PAGE1: variants seen among roughly 807,000 people sequenced by gnomAD.
PAGE1 encodes PAGE family member 1, also known as P antigen family member 1.
PAGE1 carries 6 observed loss-of-function variants against 11.5 expected under a neutral mutation model. That is an observed-to-expected ratio of 0.52 (90% CI 0.29 to 1.03). PAGE1 has a LOEUF of 1.03. Ranked by LOEUF, PAGE1 falls within the 50% of genes least tolerant of loss-of-function variation. The pLI, the probability that PAGE1 is intolerant of heterozygous loss-of-function variation, is 0.09. For synonymous variants in PAGE1, 42 were observed against 40.2 expected (o/e 1.05, Z -0.17); for missense variants, 120 against 110.2 (o/e 1.09, Z -0.40).
At chrX:49,693,689 G>A (rs2066929056) in intron 3 of PAGE1, among the ~76,000 whole-genome samples, 1 of 111,084 alleles carries the variant, frequency 9.0e-6, no homozygotes, top group Non-Finnish European at 1.9e-5. Context: ...CTATTCCTGG[G>A]CCAGTACTAA....
chrX:49,689,650 GTGTA>G (rs1386630859), intron 4 of PAGE1, 107 bp from the exon 5 acceptor site: 6 of 78,784 alleles, frequency 7.6e-5, no homozygotes, highest in African/African-American at 2.7e-4. Context: ...ATATATGTGT[GTGTA>G]TATATATATA....
intron 4 of PAGE1, 40 bp downstream of exon 4, chrX:49,691,209 A>G (rs1557142178): frequency 8.4e-7 from 1 of 1,191,401 alleles, no homozygotes; most frequent in South Asian, 1.9e-5. Flanking sequence ...TACTGTGGAA[A>G]CAGACACCCT....
At chrX:49,691,213 A>G (rs2066919074) in intron 4 of PAGE1, 36 bp downstream of exon 4, 1 of 1,192,176 alleles carries the variant, frequency 8.4e-7, no homozygotes, top group Non-Finnish European at 1.1e-6. Context: ...GTGGAAACAG[A>G]CACCCTACAA....
At chrX:49,692,998 C>T (rs782156908) in intron 3 of PAGE1, among the ~76,000 whole-genome samples, 2 of 110,790 alleles carry the variant, frequency 1.8e-5, no homozygotes, top group Admixed American at 9.7e-5. Context: ...CATAGAGTAC[C>T]AACAGCAGTG....
rs191863491 is a variant in PAGE1, at chrX:49,695,484, G to A, written c.-9+385C>T. On this transcript the variant is annotated intron_variant, in intron 1 of 5. Coordinates refer to ENST00000376150, the MANE Select transcript of PAGE1 (RefSeq NM_003785.4). ...CCAGGTTCCAGGCCCCTTCTTTACC[G>A]CCATCTTCACCACCCACCTCCCGCC... 1.3e-4 allele frequency among the ~76,000 whole-genome samples: 15 copies of A among 111,168 alleles called. No individual in the cohort carries two copies. The Admixed American group carries it at 1.4e-3, about 11-fold the overall frequency.
At chrX:49,689,352 A>G (rs1557141416) in intron 5 of PAGE1, 66 bp downstream of exon 5, 2 of 936,333 alleles carry the variant, frequency 2.1e-6, no homozygotes, top group Non-Finnish European at 2.7e-6. Flanking sequence ...AAAAAATAAT[A>G]ATTATTATAA....
chrX:49,694,295 G>A, intron 2 of PAGE1, 94 bp from the exon 3 acceptor site: 1 of 464,056 alleles, frequency 2.2e-6, no homozygotes, highest in Non-Finnish European at 3.8e-6. Context: ...CACAGAGAAT[G>A]CATAGATGTT....
chrX:49,689,994 T>C (rs1407189645), intron 4 of PAGE1, among the ~76,000 whole-genome samples: 2 of 66,570 alleles, frequency 3.0e-5, no homozygotes, highest in Non-Finnish European at 5.4e-5. Flanking sequence ...TATACACACA[T>C]ATATATGTGT....
chrX:49,691,039 G>A (rs1258513401), intron 4 of PAGE1, among the ~76,000 whole-genome samples: 2 of 111,295 alleles, frequency 1.8e-5, no homozygotes, highest in Non-Finnish European at 3.8e-5. Flanking sequence ...TTAGGTGCCT[G>A]TGGTGGCATA....
chrX:49,689,562 AAAAAAAAAAAAAAATATATATATATAT>A lies in PAGE1; in HGVS notation c.293-46_293-20del. 1 of 185,893 alleles carries A rather than the reference AAAAAAAAAAAAAAATATATATATATAT, an allele frequency of 5.4e-6. No individual in the cohort carries two copies. Among genetic ancestry groups the A allele is most frequent in the Non-Finnish European group, 7.0e-6 (1 of 141,985 alleles). 15.3% of individuals were successfully genotyped at this position (185,893 alleles called of 1,213,427 possible). A position where few individuals can be genotyped will look rare whatever the true frequency, so the allele number is the denominator to read the frequency against. On this transcript the variant is annotated intron_variant, in intron 4 of 5. Transcript: ENST00000376150. ...TCTGGCCCTTAAAAAAAAAAAAAAAAAAAAAAAAAAAAAATATATATATATATATATATATATATATATATATATACA... is the reference window on the plus strand; with the variant it reads ...TCTGGCCCTTAAAAAAAAAAAAAAAAATATATATATATATATATATATACA...
intron 4 of PAGE1, 21 bp downstream of exon 4, chrX:49,691,228 C>G (rs1557142181): frequency 8.3e-7 from 1 of 1,199,653 alleles, no homozygotes; most frequent in African/African-American, 1.8e-5. Flanking sequence ...CTACAATTTG[C>G]ATGCTTAATG....
intron 2 of PAGE1, 41 bp downstream of exon 2, chrX:49,694,667 C>G (rs782172718): frequency 1.1e-6 from 1 of 931,213 alleles, no homozygotes; most frequent in Non-Finnish European, 1.5e-6. Flanking sequence ...TAGAAAACAT[C>G]GAATTAACGT....
At chrX:49,689,385 C>T in intron 5 of PAGE1, 33 bp downstream of exon 5, 1 of 1,021,980 alleles carries the variant, frequency 9.8e-7, no homozygotes, top group Non-Finnish European at 1.3e-6. Flanking sequence ...GAAACAGACA[C>T]CCTACAATTT....
At chrX:49,687,675 T>C in intron 5 of PAGE1, 112 bp from the exon 6 acceptor site, 1 of 656,259 alleles carries the variant, frequency 1.5e-6, no homozygotes, top group Non-Finnish European at 2.3e-6. Context: ...GGACTAAAAA[T>C]AGAACTCTAA....
At chrX:49,695,429 C>T (rs2066937951) in intron 1 of PAGE1, among the ~76,000 whole-genome samples, 1 of 111,514 alleles carries the variant, frequency 9.0e-6, no homozygotes, top group African/African-American at 3.3e-5. Flanking sequence ...CTCCACACCG[C>T]TGGGGGGCGC....
intron 5 of PAGE1, 61 bp downstream of exon 5, chrX:49,689,356 AT>A: frequency 1.0e-6 from 1 of 956,028 alleles, no homozygotes; most frequent in Non-Finnish European, 1.3e-6. Flanking sequence ...AATAATAATT[AT>A]TATAATATGA....
chrX:49,689,804 A>G (rs781963292), intron 4 of PAGE1, among the ~76,000 whole-genome samples: 38 of 62,490 alleles, frequency 6.1e-4, no homozygotes, highest in East Asian at 3.3e-3. Flanking sequence ...ATGTATATAT[A>G]TGTGTATATA....
Position 49,691,263 on chromosome X carries a change from T to G in PAGE1, c.278A>C (p.Lys93Thr). Residue 93 changes from lysine to threonine, a missense_variant, in exon 4 of 6, where the codon AAA (lysine) becomes ACA (threonine). Lys to Thr is a moderately conservative substitution (Grantham distance 78). Transcript: ENST00000376150. The part of the protein sequence containing the change: ...RVCLRNEEQM[K>T]LPAEGPEPEA... ...GGACTACCTACCTTCTGCGGGCAGT[T>G]TCATCTGCTCTTCATTTCGCAGGCA... 1 of 1,210,328 alleles carries G rather than the reference T, an allele frequency of 8.3e-7. No individual in the cohort carries two copies. Among genetic ancestry groups the G allele is most frequent in the Non-Finnish European group, 1.1e-6 (1 of 894,663 alleles).
chrX:49,694,060 A>C (rs868973137), intron 3 of PAGE1, 39 bp downstream of exon 3: 2 of 800,336 alleles, frequency 2.5e-6, no homozygotes, highest in Admixed American at 4.9e-5. Context: ...ACACACACAC[A>C]CACACCCCAA....
Sources: allele counts gnomAD v4.1 joint callset (sites outside exome capture counted in the v4.1 genomes callset), GRCh38; gene constraint gnomAD v4.1.1; transcripts MANE v1.5; gene names NCBI Gene and HGNC (gene_info 2026-07-23, HGNC 2026-07-21).